ESR1: variants seen among roughly 807,000 people sequenced by gnomAD.
ESR1 encodes estrogen receptor.
Under a neutral mutation model 52.7 loss-of-function variants are expected in ESR1, and 12 were observed. The observed-to-expected ratio is 0.23, with a 90% CI of 0.15 to 0.37. The LOEUF (loss-of-function observed/expected upper bound fraction) is 0.37. Among genes scored for constraint, ESR1 ranks in the 10% least tolerant of loss-of-function variants. The pLI, the probability that ESR1 is intolerant of heterozygous loss-of-function variation, is 1.00. For missense variants in ESR1, 584 were observed against 779.7 expected, an observed-to-expected ratio of 0.75 and a Z score of 2.99; for synonymous variants, 305 against 316.8, an observed-to-expected ratio of 0.96 and a Z score of 0.39.
chr6:151,994,231 C>T (rs143515059), intron 4 of ESR1, among the ~76,000 whole-genome samples: 322 of 152,232 alleles, frequency 2.1e-3, no homozygotes, highest in African/African-American at 7.4e-3. Context: ...CTTTCTAGAC[C>T]TCAGTTTCCT....
chr6:151,999,851 ATATTT>A (rs978272872), intron 4 of ESR1, among the ~76,000 whole-genome samples: 10 of 152,086 alleles, frequency 6.6e-5, no homozygotes, highest in African/African-American at 2.2e-4. Context: ...ATTTTTAAAA[ATATTT>A]TGTTTTATGC....
intron 4 of ESR1, among the ~76,000 whole-genome samples, chr6:151,946,969 A>G (rs1584400885): frequency 6.6e-6 from 1 of 152,226 alleles, no homozygotes; most frequent in African/African-American, 2.4e-5. Context: ...GATATAGACA[A>G]TATAACGTTT....
chr6:152,035,234 A>G (rs2045184520), intron 5 of ESR1, among the ~76,000 whole-genome samples: 1 of 151,946 alleles, frequency 6.6e-6, no homozygotes, highest in South Asian at 2.1e-4. Context: ...TAATCAATAT[A>G]CCAAAGATCA....
chr6:151,924,110 C>G (rs1201976022), intron 3 of ESR1, among the ~76,000 whole-genome samples: 5 of 152,212 alleles, frequency 3.3e-5, no homozygotes, highest in African/African-American at 1.2e-4. Context: ...GTGGCACGAT[C>G]TTCGCTCATT....
rs117751040 is a variant in ESR1 at position 151,692,795 on chromosome 6, T to C, written c.-202+2131T>C. On this transcript the variant is annotated intron_variant, in intron 1 of 2. Coordinates refer to the ESR1 transcript ENST00000404742. Reference sequence around the variant, plus strand: ...AGCAAAAGCGTACACATCATTGAGTTTTATCGTTCTATCTAAGGCGTATAA... The same window carrying C: ...AGCAAAAGCGTACACATCATTGAGTCTTATCGTTCTATCTAAGGCGTATAA... Among the ~76,000 whole-genome samples, 437 of 152,330 alleles carry C rather than the reference T, an allele frequency of 2.9e-3. 5 individuals carry two copies. The highest frequency in any genetic ancestry group is 0.018 in the East Asian group (94 of 5,194).
At chr6:151,665,361 G>T (rs949676541) in intron 1 of ESR1, among the ~76,000 whole-genome samples, 4 of 152,110 alleles carry the variant, frequency 2.6e-5, no homozygotes, top group African/African-American at 9.7e-5. Flanking sequence ...TGTTTGTCAC[G>T]ACCTCTAAAT....
chr6:151,965,024 A>T (rs1006699934), intron 4 of ESR1, among the ~76,000 whole-genome samples: 2 of 152,190 alleles, frequency 1.3e-5, no homozygotes, highest in African/African-American at 4.8e-5. Context: ...AAGAGGCAAA[A>T]GCTATGATGT....
At chr6:151,997,898 C>T (rs1203701976) in intron 4 of ESR1, among the ~76,000 whole-genome samples, 1 of 152,098 alleles carries the variant, frequency 6.6e-6, no homozygotes, top group African/African-American at 2.4e-5. Flanking sequence ...CCCAGGAAAG[C>T]CACGGGGAGG....
chr6:151,947,893 A>G (rs1584406612), intron 4 of ESR1, among the ~76,000 whole-genome samples: 1 of 152,228 alleles, frequency 6.6e-6, no homozygotes, highest in Admixed American at 6.5e-5. Context: ...CATACTATGT[A>G]TCTACTTTTT....
At chr6:151,766,401 A>T (rs1053283540) in intron 2 of ESR1, among the ~76,000 whole-genome samples, 2 of 152,170 alleles carry the variant, frequency 1.3e-5, no homozygotes, top group African/African-American at 4.8e-5. Context: ...GGATTGCTTG[A>T]GCCTGGGAAG....
At chr6:151,695,827 C>G (rs570843173) in intron 1 of ESR1, among the ~76,000 whole-genome samples, 1 of 152,252 alleles carries the variant, frequency 6.6e-6, no homozygotes, top group East Asian at 1.9e-4. Context: ...AAGATAATTG[C>G]ATCACATATA....
At chr6:152,006,837 A>G (rs1184008623) in intron 4 of ESR1, among the ~76,000 whole-genome samples, 3 of 152,064 alleles carry the variant, frequency 2.0e-5, no homozygotes, top group African/African-American at 4.8e-5. Context: ...CAGGAAACCA[A>G]TATTTTTTTT....
chr6:152,098,534 G>A lies in ESR1; in HGVS notation c.1554-198G>A, dbSNP rs977638026. 3.9e-5 allele frequency among the ~76,000 whole-genome samples: 6 copies of A among 152,066 alleles called. No individual in the cohort carries two copies. Among genetic ancestry groups the A allele is most frequent in the South Asian group, 2.1e-4 (1 of 4,814 alleles). On this transcript the variant is annotated intron_variant, in intron 7 of 7. Coordinates refer to ENST00000206249, the MANE Select transcript of ESR1 (RefSeq NM_000125.4). This position sits in a 1 kb window ranked among gnomAD's most constrained non-coding sequence, Gnocchi z 5.1. ...AGGAGGTGGAAAATGAAAAACACACGGCCATGAGTTCCAGATTAGGGCTTC... is the reference window on the plus strand; with the variant it reads ...AGGAGGTGGAAAATGAAAAACACACAGCCATGAGTTCCAGATTAGGGCTTC...
At chr6:151,657,310 T>C (rs1582824168) in intron 1 of ESR1, among the ~76,000 whole-genome samples, 2 of 152,292 alleles carry the variant, frequency 1.3e-5, no homozygotes, top group South Asian at 4.1e-4. Context: ...TAGATAACTT[T>C]TATGGGTACT....
chr6:151,841,391 C>T (rs994971487), intron 1 of ESR1, among the ~76,000 whole-genome samples: 1 of 152,220 alleles, frequency 6.6e-6, no homozygotes, highest in African/African-American at 2.4e-5. Flanking sequence ...AAGGAAACTC[C>T]TTGCTAAGAG....
intron 2 of ESR1, among the ~76,000 whole-genome samples, chr6:151,858,411 C>A (rs1788267445): frequency 6.6e-6 from 1 of 152,046 alleles, no homozygotes. Context: ...TGTGATCTGT[C>A]ACTGATTGCA....
chr6:151,701,519 C>A (rs1779782382), intron 1 of ESR1, among the ~76,000 whole-genome samples: 1 of 107,146 alleles, frequency 9.3e-6, no homozygotes, highest in African/African-American at 4.0e-5. Flanking sequence ...GCAAGAGCGA[C>A]ACTACATCTC....
At chr6:151,871,124 A>T (rs1583837558) in intron 2 of ESR1, among the ~76,000 whole-genome samples, 1 of 151,530 alleles carries the variant, frequency 6.6e-6, no homozygotes, top group East Asian at 2.0e-4. Flanking sequence ...GTGCCTGGAA[A>T]ACAGGCCTCC....
intron 4 of ESR1, among the ~76,000 whole-genome samples, chr6:151,985,842 A>G (rs891766620): frequency 1.3e-5 from 2 of 151,666 alleles, no homozygotes; most frequent in African/African-American, 4.9e-5. Context: ...AATTTTTTGT[A>G]TTTTTAGTAT....
Sources: allele counts gnomAD v4.1 joint callset (sites outside exome capture counted in the v4.1 genomes callset), GRCh38; gene constraint gnomAD v4.1.1; non-coding constraint Gnocchi (gnomAD v3.1); transcripts MANE v1.5; gene names NCBI Gene and HGNC (gene_info 2026-07-23, HGNC 2026-07-21).